HNRNPA1: variants seen among roughly 807,000 people sequenced by gnomAD.
HNRNPA1 encodes the protein heterogeneous nuclear ribonucleoprotein A1.
Under a neutral mutation model 44.4 loss-of-function variants are expected in HNRNPA1, and 7 were observed. The ratio of observed to expected loss-of-function variants is 0.16; its 90% CI spans 0.09 to 0.30. HNRNPA1 has a LOEUF of 0.30. Ranked by LOEUF, HNRNPA1 falls within the 10% of genes least tolerant of loss-of-function variation. The probability of loss-of-function intolerance (pLI) is 1.00; values close to 1 mark genes in which losing one functional copy is unlikely to be tolerated. For missense variants in HNRNPA1, 193 were observed against 465.8 expected (o/e 0.41, Z 5.39); for synonymous variants, 169 against 160.6 (o/e 1.05, Z -0.40).
chr12:54,283,728 C>A (rs571104558), intron 8 of HNRNPA1, 84 bp from the exon 9 acceptor site: 1 of 1,360,022 alleles, frequency 7.4e-7, no homozygotes, highest in Non-Finnish European at 1.1e-6. Flanking sequence ...ATAACTCAAC[C>A]TTATTTTATT....
rs1167150455 is a variant in HNRNPA1 at position 54,283,075 on chromosome 12, G to GT, written c.752-3dup. ...TCTTATTGAGAAGAATTGTATTCTTGTAGGTGGTTATGGAGGAGGCGGCCC... is the reference window on the plus strand; with the variant it reads ...TCTTATTGAGAAGAATTGTATTCTTGTTAGGTGGTTATGGAGGAGGCGGCCC... On this transcript the variant is annotated splice_region_variant and splice_polypyrimidine_tract_variant and intron_variant, in intron 7 of 10. Coordinates refer to ENST00000340913, the MANE Select transcript of HNRNPA1 (RefSeq NM_031157.4). The GT allele has an allele frequency of 1.2e-6, 2 of 1,612,554 alleles. No individual in the cohort carries two copies. Among genetic ancestry groups the GT allele is most frequent in the Non-Finnish European group, 8.5e-7 (1 of 1,179,596 alleles).
chr12:54,280,933 C>T (rs1006948570), intron 1 of HNRNPA1, 111 bp downstream of exon 1: 1 of 1,211,426 alleles, frequency 8.3e-7, no homozygotes, highest in African/African-American at 1.5e-5. Context: ...TTCCTTCGGT[C>T]GCTGCCACGG....
At chr12:54,283,012 G>T in intron 7 of HNRNPA1, 67 bp from the exon 8 acceptor site, 1 of 1,569,530 alleles carries the variant, frequency 6.4e-7, no homozygotes, top group Non-Finnish European at 8.7e-7. Flanking sequence ...GCCTTCAGCC[G>T]TTACACTTGC....
At chr12:54,281,631 C>T (rs542792991) in intron 2 of HNRNPA1, 129 bp downstream of exon 2, 5 of 1,012,000 alleles carry the variant, frequency 4.9e-6, no homozygotes, top group East Asian at 2.4e-5. Context: ...AAAGGAACGT[C>T]CTGCTTTGAT....
intron 1 of HNRNPA1, chr12:54,281,125 C>A: frequency 2.9e-6 from 2 of 699,708 alleles, no homozygotes; most frequent in Non-Finnish European, 5.2e-6. Context: ...GCGATTAGTC[C>A]CATTGTGGAG....
rs1471495638 is a variant in HNRNPA1, at chr12:54,280,729, T to TA, written c.-78dup. The TA allele has an allele frequency of 3.9e-6, 6 of 1,543,192 alleles. No individual in the cohort carries two copies. The African/African-American group carries it at 5.4e-5, about 14-fold the overall frequency. On this transcript the variant is annotated 5_prime_UTR_variant, in exon 1 of 11. Transcript: ENST00000340913. ...GAGAGGGCGAAGGTAGGCTGGCAGATACGTTCGTCAGCTTGCTCCTTTCTG... is the reference window on the plus strand; with the variant it reads ...GAGAGGGCGAAGGTAGGCTGGCAGATAACGTTCGTCAGCTTGCTCCTTTCTG...
At position 54,281,754 on chromosome 12, in the gene HNRNPA1, G is replaced by T. The variant is rs779433630; in HGVS notation, c.133-41G>T. ...CAAAGTTAAAATGACAAAAGCTTTT[G>T]CGGTCAGACTTTGTGTTACATAAAT... On this transcript the variant is annotated intron_variant, in intron 2 of 10. Transcript: ENST00000340913. The T allele has an allele frequency of 3.2e-6, 5 of 1,579,844 alleles. No homozygotes were observed. The African/African-American group carries it at 4.1e-5, about 13-fold the overall frequency.
Position 54,286,828 on chromosome 12 carries a change from T to C in HNRNPA1, c.*2284T>C, listed in dbSNP as rs1944270174. On this transcript the variant is annotated 3_prime_UTR_variant, in exon 11 of 11. Coordinates refer to ENST00000340913, the MANE Select transcript of HNRNPA1 (RefSeq NM_031157.4). ...TACCTTAAACCAAAACACTTCGTAA[T>C]CTCATCCAATTGCAAAAAGAGTTAT... 1 of 152,188 alleles carries C rather than the reference T, an allele frequency of 6.6e-6. No individual in the cohort carries two copies. Among genetic ancestry groups the C allele is most frequent in the African/African-American group, 2.4e-5 (1 of 41,426 alleles). 9.4% of individuals were successfully genotyped at this position (152,188 alleles called of 1,614,324 possible).
At chr12:54,282,058 C>A in intron 3 of HNRNPA1, 32 bp from the exon 4 acceptor site, 1 of 1,602,612 alleles carries the variant, frequency 6.2e-7, no homozygotes, top group Non-Finnish European at 8.5e-7. Context: ...ATAGGCTTTG[C>A]TAATCTAAAC....
At chr12:54,282,773 C>G in intron 6 of HNRNPA1, 27 bp from the exon 7 acceptor site, 1 of 1,565,460 alleles carries the variant, frequency 6.4e-7, no homozygotes, top group Non-Finnish European at 8.7e-7. Context: ...CCAAGTCATA[C>G]TTAAAACTTG....
At chr12:54,281,733 G>C in intron 2 of HNRNPA1, 62 bp from the exon 3 acceptor site, 2 of 1,541,176 alleles carry the variant, frequency 1.3e-6, no homozygotes, top group Admixed American at 2.1e-5. Flanking sequence ...CCTATTCAAA[G>C]TTAAAATGAC....
At chr12:54,281,279 C>A (rs878930854) in intron 1 of HNRNPA1, 107 bp from the exon 2 acceptor site, 3 of 742,054 alleles carry the variant, frequency 4.0e-6, no homozygotes, top group Admixed American at 2.1e-5. Context: ...GCGACCTGAA[C>A]GAACAATAAG....
rs1213974483 is a variant in HNRNPA1, at chr12:54,282,150, G to A, written c.340G>A (p.Glu114Lys). Reference sequence around the variant, plus strand: ...AAAGATATTTGTTGGTGGCATTAAAGAAGACACTGAAGAACATCACCTAAG... The same window carrying A: ...AAAGATATTTGTTGGTGGCATTAAAAAAGACACTGAAGAACATCACCTAAG... ...VKKIFVGGIK[E>K]DTEEHHLRDY... Residue 114 changes from glutamate (E) to lysine (K), a missense_variant, in exon 4 of 11, where the codon GAA becomes AAA. Glu to Lys is a moderately conservative substitution (Grantham distance 56). Around this residue, in one of 2 missense-constraint regions of HNRNPA1, gnomAD observed 57 missense variants for 231.3 expected, o/e 0.25. Transcript: ENST00000340913. 1 of 1,601,398 alleles carries A rather than the reference G, an allele frequency of 6.2e-7. No individual in the cohort carries two copies. Among genetic ancestry groups the A allele is most frequent in the Non-Finnish European group, 8.5e-7 (1 of 1,172,656 alleles).
chr12:54,281,911 T>G lies in HNRNPA1; in HGVS notation c.249T>G (p.Val83=). ...NARPHKVDGR[V]VEPKRAVSRE... Reference sequence around the variant, plus strand: ...GGCCACACAAGGTGGATGGAAGAGTTGTGGAACCAAAGAGAGCTGTCTCCA... The same window carrying G: ...GGCCACACAAGGTGGATGGAAGAGTGGTGGAACCAAAGAGAGCTGTCTCCA... The change falls in exon 3 of 11, where the codon GTT becomes GTG. Residue 83 remains valine (V), a synonymous_variant. Coordinates refer to ENST00000340913, the MANE Select transcript of HNRNPA1 (RefSeq NM_031157.4). The G allele has an allele frequency of 6.2e-7, 1 of 1,613,700 alleles. No individual in the cohort carries two copies. Among genetic ancestry groups the G allele is most frequent in the Non-Finnish European group, 8.5e-7 (1 of 1,179,964 alleles).
intron 1 of HNRNPA1, chr12:54,281,157 C>CT (rs1592170233): frequency 1.4e-6 from 1 of 698,416 alleles, no homozygotes; most frequent in African/African-American, 1.8e-5. Flanking sequence ...CCGCCCAAGC[C>CT]TTTGTTGCGC....
At position 54,285,126 on chromosome 12, in the gene HNRNPA1, G is replaced by A. The variant is rs1944243615; in HGVS notation, c.*582G>A. The A allele has an allele frequency of 6.4e-6, 1 of 157,260 alleles. No individual in the cohort carries two copies. Among genetic ancestry groups the A allele is most frequent in the Admixed American group, 6.2e-5 (1 of 16,068 alleles). 9.7% of individuals were successfully genotyped at this position (157,260 alleles called of 1,614,324 possible). ...TCATGGAATGGTTATAAAAGTGATT[G>A]TTGGCACATCCTATGCAATATATCT... On this transcript the variant is annotated 3_prime_UTR_variant, in exon 11 of 11. Coordinates refer to ENST00000340913, the MANE Select transcript of HNRNPA1 (RefSeq NM_031157.4).
In HNRNPA1 at chr12:54,286,637, T is replaced by A. The variant is rs80251270; in HGVS notation, c.*2093T>A. ...AGATGGGACTTGGTCTTAGAGCTAG[T>A]TCTAAAGGTTGTTTACTTTTCTAGG... On this transcript the variant is annotated 3_prime_UTR_variant, in exon 11 of 11. Transcript: ENST00000340913. The A allele has an allele frequency of 1.3e-5, 2 of 152,148 alleles. No homozygotes were observed. The highest frequency in any genetic ancestry group is 1.5e-5 in the Non-Finnish European group (1 of 68,012). The allele number at this position is 152,148 out of a possible 1,614,324, so 9.4% of individuals were successfully genotyped here. A position where few individuals can be genotyped will look rare whatever the true frequency, so the allele number is the denominator to read the frequency against.
In HNRNPA1 at chr12:54,282,700, C is replaced by G. The variant is rs187988364; in HGVS notation, c.676+35C>G. ...GTTTATCTACATGTAGTTCTGACTT[C>G]TCACCATCTTTGCTATGAAGATTTT... On this transcript the variant is annotated intron_variant, in intron 6 of 10. Coordinates refer to ENST00000340913, the MANE Select transcript of HNRNPA1 (RefSeq NM_031157.4). The G allele has an allele frequency of 5.3e-4, 843 of 1,596,882 alleles. 6 individuals are homozygous for G. The African/African-American group carries it at 1.0e-2, about 19-fold the overall frequency.
chr12:54,281,139 C>G, intron 1 of HNRNPA1: 1 of 699,608 alleles, frequency 1.4e-6, no homozygotes, highest in South Asian at 1.5e-5. Context: ...TGTGGAGATG[C>G]ACCCCTACCG....
Sources: gnomAD v4.1 joint callset for allele counts on GRCh38, gnomAD v4.1.1 for gene constraint, gnomAD v4.1.1 regional missense constraint, MANE v1.5 for transcripts, NCBI Gene and HGNC (gene_info 2026-07-23, HGNC 2026-07-21) for gene names.